ATRNL1: variants seen among roughly 807,000 people sequenced by gnomAD.
The protein encoded by ATRNL1 is attractin like 1.
In ATRNL1, 95 loss-of-function variants were observed where a neutral mutation model predicts 182.7. That is an observed-to-expected ratio of 0.52 (90% CI 0.44 to 0.62). ATRNL1 has a LOEUF of 0.62. Ranked by LOEUF, ATRNL1 falls within the 20% of genes least tolerant of loss-of-function variation. The probability of loss-of-function intolerance (pLI) is 0.00; values close to 1 mark genes in which losing one functional copy is unlikely to be tolerated. For synonymous variants in ATRNL1, 576 were observed against 568.3 expected (o/e 1.01, Z -0.19); for missense variants, 1,471 against 1,679.5 (o/e 0.88, Z 2.17).
chr10:115,526,595 T>C (rs1554986607), intron 25 of ATRNL1, among the ~76,000 whole-genome samples: 4 of 152,202 alleles, frequency 2.6e-5, no homozygotes, highest in African/African-American at 7.2e-5. Context: ...GGAACTGTGT[T>C]CCACCCACCA....
intron 20 of ATRNL1, among the ~76,000 whole-genome samples, chr10:115,421,235 A>G (rs1467142703): frequency 6.6e-6 from 1 of 152,188 alleles, no homozygotes; most frequent in Non-Finnish European, 1.5e-5. Flanking sequence ...AGACAAAGAT[A>G]AAAGTATAAA....
At chr10:115,214,429 T>G (rs1849153813) in intron 8 of ATRNL1, among the ~76,000 whole-genome samples, 1 of 152,066 alleles carries the variant, frequency 6.6e-6, no homozygotes, top group Non-Finnish European at 1.5e-5. Context: ...GTTAGTTACA[T>G]ATGAGTTCCG....
intron 28 of ATRNL1, among the ~76,000 whole-genome samples, chr10:115,870,837 A>G (rs1288562893): frequency 1.3e-5 from 2 of 152,182 alleles, no homozygotes; most frequent in Non-Finnish European, 2.9e-5. Context: ...TAGTTTTCTC[A>G]TCATAATTTG....
At chr10:115,786,041 A>G (rs553651627) in intron 27 of ATRNL1, among the ~76,000 whole-genome samples, 87 of 152,252 alleles carry the variant, frequency 5.7e-4, no homozygotes, top group Middle Eastern at 3.4e-3. Flanking sequence ...GTTCATGACA[A>G]TTTATATATT....
chr10:115,916,948 C>A (rs1459440847), intron 28 of ATRNL1, among the ~76,000 whole-genome samples: 1 of 152,230 alleles, frequency 6.6e-6, no homozygotes, highest in East Asian at 1.9e-4. Context: ...CTGTCAGGAA[C>A]TGCCTCTAGG....
At chr10:115,546,566 CAA>C (rs111888938) in intron 25 of ATRNL1, among the ~76,000 whole-genome samples, 36 of 126,320 alleles carry the variant, frequency 2.8e-4, no homozygotes, top group African/African-American at 8.0e-4. Flanking sequence ...GACTCTGTCT[CAA>C]AAAAAAAAAA....
At chr10:115,095,082 T>C (rs889422477) in intron 1 of ATRNL1, among the ~76,000 whole-genome samples, 1 of 152,172 alleles carries the variant, frequency 6.6e-6, no homozygotes, top group Non-Finnish European at 1.5e-5. Flanking sequence ...GGTCACAGTG[T>C]AGGGGAGTAG....
chr10:115,582,444 G>T (rs1855178412), intron 26 of ATRNL1, among the ~76,000 whole-genome samples: 1 of 135,682 alleles, frequency 7.4e-6, no homozygotes, highest in East Asian at 2.4e-4. Context: ...ATTCTAACTG[G>T]TGTGAGATGG....
chr10:115,880,543 G>A (rs566828717), intron 28 of ATRNL1, among the ~76,000 whole-genome samples: 1 of 152,186 alleles, frequency 6.6e-6, no homozygotes, highest in Non-Finnish European at 1.5e-5. Flanking sequence ...AGAATCGCTT[G>A]AACCCAGTGG....
intron 28 of ATRNL1, among the ~76,000 whole-genome samples, chr10:115,905,100 G>A (rs1952461632): frequency 6.6e-6 from 1 of 152,136 alleles, no homozygotes; most frequent in Admixed American, 6.5e-5. Context: ...TTACCCAAAC[G>A]AGAAAGTGAG....
chr10:115,177,903 G>GTTTTTTTTTTTTTTTTTTTTT (rs147613896), intron 8 of ATRNL1, among the ~76,000 whole-genome samples: 1 of 102,060 alleles, frequency 9.8e-6, no homozygotes, highest in Admixed American at 1.0e-4. Flanking sequence ...TTGTTTTTTT[G>GTTTTTTTTTTTTTTTTTTTTT]TTTTTTTTGT....
At chr10:115,581,384 G>A (rs1385153471) in intron 26 of ATRNL1, among the ~76,000 whole-genome samples, 3 of 152,038 alleles carry the variant, frequency 2.0e-5, no homozygotes, top group African/African-American at 7.2e-5. Context: ...CTGAGGATGG[G>A]AGTTTACCTC....
chr10:115,463,790 G>A (rs1223719573), intron 22 of ATRNL1, among the ~76,000 whole-genome samples: 1 of 151,994 alleles, frequency 6.6e-6, no homozygotes, highest in Non-Finnish European at 1.5e-5. Flanking sequence ...ATTTAGCATA[G>A]TGTTTCCAAG....
chr10:115,235,632 T>C (rs1850149700), intron 9 of ATRNL1, among the ~76,000 whole-genome samples: 1 of 152,180 alleles, frequency 6.6e-6, no homozygotes, highest in African/African-American at 2.4e-5. Flanking sequence ...AAAAATCTAT[T>C]TGTCAATTAA....
intron 27 of ATRNL1, among the ~76,000 whole-genome samples, chr10:115,739,902 T>C (rs1315251588): frequency 1.3e-5 from 2 of 152,214 alleles, no homozygotes; most frequent in African/African-American, 4.8e-5. Context: ...TAAAATCAGT[T>C]ACTAATTTAA....
At chr10:115,883,774 G>A (rs954084828) in intron 28 of ATRNL1, among the ~76,000 whole-genome samples, 10 of 152,204 alleles carry the variant, frequency 6.6e-5, no homozygotes, top group African/African-American at 2.4e-4. Context: ...ACTGATTTAG[G>A]GGTGAACGTT....
At chr10:115,769,345 G>T (rs1012023664) in intron 27 of ATRNL1, among the ~76,000 whole-genome samples, 6 of 152,076 alleles carry the variant, frequency 3.9e-5, no homozygotes, top group Admixed American at 3.9e-4. Context: ...AATATTTGTA[G>T]CTGCAATTTA....
intron 26 of ATRNL1, among the ~76,000 whole-genome samples, chr10:115,694,416 A>G (rs1375857875): frequency 6.6e-6 from 1 of 152,158 alleles, no homozygotes; most frequent in Non-Finnish European, 1.5e-5. Context: ...ACTAATGTGG[A>G]TAAGTTCTTT....
At chr10:115,136,849 G>A (rs2143781125) in intron 5 of ATRNL1, among the ~76,000 whole-genome samples, 1 of 152,236 alleles carries the variant, frequency 6.6e-6, no homozygotes, top group East Asian at 1.9e-4. Context: ...ACCTACTGAA[G>A]GACATCTTGG....
Sources: allele counts gnomAD v4.1 joint callset (sites outside exome capture counted in the v4.1 genomes callset), GRCh38; gene constraint gnomAD v4.1.1; transcripts MANE v1.5; gene names NCBI Gene and HGNC (gene_info 2026-07-23, HGNC 2026-07-21).